Variants in RGS6 observed in about 807,000 individuals in gnomAD.
RGS6 encodes regulator of G-protein signaling 6.
In RGS6, 30 loss-of-function variants were observed where a neutral mutation model predicts 78.5. The ratio of observed to expected loss-of-function variants is 0.38; its 90% CI spans 0.29 to 0.52. RGS6 has a LOEUF of 0.52. Ranked by LOEUF, RGS6 falls within the 20% of genes least tolerant of loss-of-function variation. The probability of loss-of-function intolerance (pLI) is 0.85; values close to 1 mark genes in which losing one functional copy is unlikely to be tolerated. For missense variants in RGS6, 495 were observed against 609.7 expected (o/e 0.81, Z 1.98); for synonymous variants, 206 against 206.0 (o/e 1.00, Z 0.00).
chr14:72,487,519 C>T (rs1478853302), intron 12 of RGS6, among the ~76,000 whole-genome samples: 2 of 152,116 alleles, frequency 1.3e-5, no homozygotes, highest in East Asian at 3.9e-4. Flanking sequence ...CCTGGATTGC[C>T]CAGATGGGCC....
chr14:72,085,853 C>CAAAAAA (rs35951230), intron 2 of RGS6, among the ~76,000 whole-genome samples: 8 of 72,720 alleles, frequency 1.1e-4, no homozygotes, highest in Admixed American at 6.2e-4. Flanking sequence ...GACACCATCT[C>CAAAAAA]AAAAAAAAAA....
intron 3 of RGS6, among the ~76,000 whole-genome samples, chr14:72,445,215 G>C (rs564818085): frequency 2.0e-5 from 3 of 152,274 alleles, no homozygotes; most frequent in Admixed American, 6.5e-5. Flanking sequence ...TTTTTGAGAC[G>C]GAGTCTCATG....
At chr14:72,571,230 A>C (rs187250828), downstream of RGS6, among the ~76,000 whole-genome samples, 1 of 152,216 alleles carries the variant, frequency 6.6e-6, no homozygotes, top group Non-Finnish European at 1.5e-5. Context: ...ACATAAGATT[A>C]TACAGGCTTA....
chr14:72,006,420 G>C (rs151056820), intron 2 of RGS6, among the ~76,000 whole-genome samples: 1 of 152,162 alleles, frequency 6.6e-6, no homozygotes, highest in Non-Finnish European at 1.5e-5. Flanking sequence ...ATTAGGTTTT[G>C]AAAGACAGAG....
chr14:72,299,418 G>A (rs2065582816), intron 2 of RGS6, among the ~76,000 whole-genome samples: 1 of 152,138 alleles, frequency 6.6e-6, no homozygotes, highest in South Asian at 2.1e-4. Context: ...TGTTTTTAAG[G>A]TTTACTATGC....
At chr14:72,264,705 C>A (rs1328031251) in intron 2 of RGS6, among the ~76,000 whole-genome samples, 1 of 152,208 alleles carries the variant, frequency 6.6e-6, no homozygotes, top group Non-Finnish European at 1.5e-5. Flanking sequence ...TTGTTTACCA[C>A]TTAGAATCAT....
intron 3 of RGS6, among the ~76,000 whole-genome samples, chr14:72,416,340 A>T (rs1259047592): frequency 6.6e-6 from 1 of 152,144 alleles, no homozygotes; most frequent in East Asian, 1.9e-4. Context: ...GTTAATAAAG[A>T]TGGGTCTCCT....
chr14:72,026,864 A>T (rs1046642507), intron 2 of RGS6, among the ~76,000 whole-genome samples: 1 of 152,228 alleles, frequency 6.6e-6, no homozygotes, highest in Non-Finnish European at 1.5e-5. Flanking sequence ...CAGAGACAAT[A>T]GCACAGGTAA....
intron 2 of RGS6, among the ~76,000 whole-genome samples, chr14:72,147,234 A>G (rs555685869): frequency 1.3e-5 from 2 of 152,322 alleles, no homozygotes; most frequent in South Asian, 2.1e-4. Context: ...GCCTCTACCT[A>G]TTACTAAATT....
At chr14:72,133,162 C>A (rs1458726698) in intron 2 of RGS6, among the ~76,000 whole-genome samples, 1 of 152,096 alleles carries the variant, frequency 6.6e-6, no homozygotes, top group East Asian at 1.9e-4. Context: ...TTTGCAGATT[C>A]CTTTTCAACC....
intron 2 of RGS6, among the ~76,000 whole-genome samples, chr14:72,100,314 G>A (rs544202572): frequency 6.6e-6 from 1 of 152,198 alleles, no homozygotes; most frequent in South Asian, 2.1e-4. Context: ...AGACCAGCCT[G>A]GCCAACATGG....
chr14:72,466,356 A>G (rs184736364), intron 7 of RGS6, among the ~76,000 whole-genome samples: 4 of 152,376 alleles, frequency 2.6e-5, no homozygotes, highest in African/African-American at 7.2e-5. Context: ...TACACTTACC[A>G]TATAACCAAG....
At chr14:72,077,281 A>G (rs1017669149) in intron 2 of RGS6, among the ~76,000 whole-genome samples, 1 of 152,074 alleles carries the variant, frequency 6.6e-6, no homozygotes, top group Admixed American at 6.5e-5. Context: ...TTGTCCATTG[A>G]GGGGTTTCCT....
At chr14:72,475,825 T>TAC (rs1555424255) in intron 10 of RGS6, among the ~76,000 whole-genome samples, 5 of 96,126 alleles carry the variant, frequency 5.2e-5, no homozygotes, top group Non-Finnish European at 1.0e-4. Context: ...TAAAAAAAAA[T>TAC]ACACGCACAC....
intron 3 of RGS6, among the ~76,000 whole-genome samples, chr14:72,402,790 G>GTTTTTTTTTTT (rs1167831473): frequency 7.9e-5 from 6 of 75,800 alleles, no homozygotes; most frequent in African/African-American, 1.1e-4. Context: ...TGTTTTTTTG[G>GTTTTTTTTTTT]TTTTTTTTTT....
chr14:71,958,075 G>A (rs182004044), intron 1 of RGS6, among the ~76,000 whole-genome samples: 12 of 152,234 alleles, frequency 7.9e-5, no homozygotes, highest in African/African-American at 2.6e-4. Context: ...CTGTCAGGCA[G>A]CTGTGATAGT....
the RGS6 span, among the ~76,000 whole-genome samples, chr14:72,616,088 C>T: frequency 6.6e-6 from 1 of 152,162 alleles, no homozygotes; most frequent in African/African-American, 2.4e-5. Context: ...TCATGCCAGA[C>T]CCGGGCCAGG....
rs190971213 is a variant in RGS6, at chr14:72,032,938, G to A, written c.84+68063G>A. Among the ~76,000 whole-genome samples the A allele has an allele frequency of 5.5e-4, 84 of 152,210 alleles. 1 individual carries two copies. Among genetic ancestry groups the A allele is most frequent in the Non-Finnish European group, 1.1e-3 (75 of 68,002 alleles). ...ACATGGTGTGCACTTATCTCTTCAT[G>A]ATTCTATTTTTGATTCTTTTGAATA... On this transcript the variant is annotated intron_variant, in intron 2 of 17. Transcript: ENST00000553525.
chr14:72,272,481 C>A (rs926605412), intron 2 of RGS6, among the ~76,000 whole-genome samples: 1 of 152,204 alleles, frequency 6.6e-6, no homozygotes, highest in African/African-American at 2.4e-5. Flanking sequence ...CTCTTTCATC[C>A]TCTAGCCTTC....
Sources: allele counts gnomAD v4.1 joint callset (sites outside exome capture counted in the v4.1 genomes callset), GRCh38; gene constraint gnomAD v4.1.1; transcripts MANE v1.5; gene names NCBI Gene and HGNC (gene_info 2026-07-23, HGNC 2026-07-21).